Variants in CDH4 observed in about 807,000 individuals in gnomAD.
The protein encoded by CDH4 is cadherin-4.
A neutral mutation model predicts 86.0 loss-of-function variants in CDH4; 33 were observed. That is an observed-to-expected ratio of 0.38 (90% confidence interval 0.29 to 0.51). The LOEUF is 0.51. CDH4 is among the 20% of genes least tolerant of loss of function. The probability of loss-of-function intolerance (pLI) is 0.86; values close to 1 mark genes in which losing one functional copy is unlikely to be tolerated. For missense variants in CDH4, 1,114 were observed against 1,307.4 expected, an observed-to-expected ratio of 0.85 and a Z score of 2.28; for synonymous variants, 555 against 549.4, an observed-to-expected ratio of 1.01 and a Z score of -0.14.
At chr20:61,846,278 G>C (rs769242079) in intron 5 of CDH4, among the ~76,000 whole-genome samples, 5 of 152,226 alleles carry the variant, frequency 3.3e-5, no homozygotes, top group Non-Finnish European at 5.9e-5. Context: ...GGCTTCGTGT[G>C]CTGGGCCCCC....
At chr20:61,403,509 T>C (rs2085061758) in intron 2 of CDH4, among the ~76,000 whole-genome samples, 1 of 152,160 alleles carries the variant, frequency 6.6e-6, no homozygotes, top group East Asian at 1.9e-4. Flanking sequence ...GAGTGGCCAC[T>C]TTGTGGGCCC....
chr20:61,280,086 A>G (rs888956706), intron 2 of CDH4, among the ~76,000 whole-genome samples: 17 of 151,858 alleles, frequency 1.1e-4, no homozygotes, highest in African/African-American at 3.9e-4. Flanking sequence ...GGGACTGGGA[A>G]CTCACCCACC....
At chr20:61,793,987 A>T (rs934003150) in intron 4 of CDH4, among the ~76,000 whole-genome samples, 1 of 146,980 alleles carries the variant, frequency 6.8e-6, no homozygotes, top group African/African-American at 2.5e-5. Flanking sequence ...AAATACAAAA[A>T]AAAAAATTAG....
intron 2 of CDH4, among the ~76,000 whole-genome samples, chr20:61,610,078 A>G (rs982730134): frequency 6.6e-6 from 1 of 152,162 alleles, no homozygotes; most frequent in Non-Finnish European, 1.5e-5. Context: ...ATCAAACACT[A>G]GAACTTATTA....
At chr20:61,616,575 G>T (rs1192867007) in intron 2 of CDH4, among the ~76,000 whole-genome samples, 1 of 152,172 alleles carries the variant, frequency 6.6e-6, no homozygotes, top group Non-Finnish European at 1.5e-5. Context: ...AGAGCTTACT[G>T]GTAGCATCTG....
intron 2 of CDH4, among the ~76,000 whole-genome samples, chr20:61,290,590 C>G (rs2084315631): frequency 6.6e-6 from 1 of 152,240 alleles, no homozygotes. Flanking sequence ...TGTTGACTAC[C>G]TGCCCTGGTC....
Position 61,879,089 on chromosome 20 carries a change from C to T in CDH4, c.1050+5189C>T, listed in dbSNP as rs1009475230. 1.3e-5 allele frequency among the ~76,000 whole-genome samples: 2 copies of T among 152,226 alleles called. No homozygotes were observed. Among genetic ancestry groups the T allele is most frequent in the South Asian group, 2.1e-4 (1 of 4,832 alleles). On this transcript the variant is annotated intron_variant, in intron 7 of 15. Transcript: ENST00000614565. The surrounding 1 kb of genome is among the most constrained non-coding windows in gnomAD (Gnocchi z 4.1). ...TTTAAGACAACGGCTCCAGGACCACCGTTGCCAGGCATTAGTAAACCCACG... is the reference window on the plus strand; with the variant it reads ...TTTAAGACAACGGCTCCAGGACCACTGTTGCCAGGCATTAGTAAACCCACG...
chr20:61,545,592 C>A (rs1341653293), intron 2 of CDH4, among the ~76,000 whole-genome samples: 1 of 152,202 alleles, frequency 6.6e-6, no homozygotes, highest in Non-Finnish European at 1.5e-5. Context: ...CATGATCACC[C>A]TACAAATTCA....
intron 9 of CDH4, among the ~76,000 whole-genome samples, chr20:61,916,947 C>T (rs919274234): frequency 9.2e-5 from 14 of 152,228 alleles, no homozygotes; most frequent in Admixed American, 9.2e-4. Flanking sequence ...TGTCTATGCT[C>T]TGGGCTGATG....
At chr20:61,497,978 G>C (rs1218058884) in intron 2 of CDH4, among the ~76,000 whole-genome samples, 2 of 146,384 alleles carry the variant, frequency 1.4e-5, no homozygotes, top group Non-Finnish European at 3.0e-5. Context: ...AACACCGCAT[G>C]TTCTCACTCA....
Position 61,681,439 on chromosome 20 carries a change from G to T in CDH4, c.170-62124G>T, listed in dbSNP as rs769811169. On this transcript the variant is annotated intron_variant, in intron 2 of 15. Coordinates refer to ENST00000614565, the MANE Select transcript of CDH4 (RefSeq NM_001794.5). The surrounding 1 kb of genome is among the most constrained non-coding windows in gnomAD (Gnocchi z 4.5). ...AATCCTTGGAACTTTATAACTGTGT[G>T]CGTATTTCAAGGGATCTGTTGGCTT... 3.3e-5 allele frequency among the ~76,000 whole-genome samples: 5 copies of T among 152,200 alleles called. No individual in the cohort carries two copies. The highest frequency in any genetic ancestry group is 6.5e-5 in the Admixed American group (1 of 15,274).
intron 2 of CDH4, among the ~76,000 whole-genome samples, chr20:61,467,181 A>G (rs777806824): frequency 2.1e-4 from 32 of 152,348 alleles, no homozygotes; most frequent in Non-Finnish European, 3.8e-4. Flanking sequence ...GTTTCCTCAC[A>G]TACAGTCACA....
intron 2 of CDH4, among the ~76,000 whole-genome samples, chr20:61,295,593 C>A (rs1419587414): frequency 6.6e-6 from 1 of 151,622 alleles, no homozygotes; most frequent in South Asian, 2.1e-4. Context: ...TGCAGACTTG[C>A]GAGTGGCCCT....
intron 2 of CDH4, among the ~76,000 whole-genome samples, chr20:61,696,335 G>T (rs1309226326): frequency 6.6e-6 from 1 of 152,230 alleles, no homozygotes; most frequent in Non-Finnish European, 1.5e-5. Flanking sequence ...AGTACCTCAG[G>T]GACTCTTTCT....
chr20:61,924,937 C>T (rs1263335161), intron 11 of CDH4, among the ~76,000 whole-genome samples: 1 of 152,220 alleles, frequency 6.6e-6, no homozygotes, highest in African/African-American at 2.4e-5. Context: ...GCCACAGACC[C>T]CATCCTGCGG....
chr20:61,544,406 G>A lies in CDH4; in HGVS notation c.170-199157G>A, dbSNP rs1346343576. Among the ~76,000 whole-genome samples the A allele has an allele frequency of 6.6e-6, 1 of 151,994 alleles. No homozygotes were observed. Among genetic ancestry groups the A allele is most frequent in the Non-Finnish European group, 1.5e-5 (1 of 67,990 alleles). On this transcript the variant is annotated intron_variant, in intron 2 of 15. Transcript: ENST00000614565. The surrounding 1 kb of genome is among the most constrained non-coding windows in gnomAD (Gnocchi z 6.5). Reference sequence around the variant, plus strand: ...GAAATCCAGCTTGCCCAGGAGAGAGGGGTGGGACTCCTGGTGTTCACTTCG... The same window carrying A: ...GAAATCCAGCTTGCCCAGGAGAGAGAGGTGGGACTCCTGGTGTTCACTTCG...
intron 2 of CDH4, among the ~76,000 whole-genome samples, chr20:61,443,369 C>T (rs570640852): frequency 5.3e-5 from 8 of 152,270 alleles, no homozygotes; most frequent in East Asian, 1.9e-4. Context: ...AACCCTGAGC[C>T]GCTGTTATTT....
chr20:61,902,394 C>T lies in CDH4; in HGVS notation c.1188+7347C>T, dbSNP rs1050364539. Among the ~76,000 whole-genome samples the T allele has an allele frequency of 4.6e-5, 7 of 152,242 alleles. No homozygotes were observed. The highest frequency in any genetic ancestry group is 2.0e-4 in the Admixed American group (3 of 15,288). On this transcript the variant is annotated intron_variant, in intron 8 of 15. Transcript: ENST00000614565. This position sits in a 1 kb window ranked among gnomAD's most constrained non-coding sequence, Gnocchi z 4.6. ...TAAATGCCAGCCATGCCCTGGGGCA[C>T]GCGGTCACCACCCCGCAGAACCGCT...
chr20:61,872,038 A>G (rs1386821781), intron 6 of CDH4, among the ~76,000 whole-genome samples: 1 of 145,628 alleles, frequency 6.9e-6, no homozygotes, highest in Non-Finnish European at 1.5e-5. Context: ...GAGGTGGGGG[A>G]GGGGCGAGGG....
Sources: allele counts gnomAD v4.1 joint callset (sites outside exome capture counted in the v4.1 genomes callset), GRCh38; gene constraint gnomAD v4.1.1; non-coding constraint Gnocchi (gnomAD v3.1); transcripts MANE v1.5; gene names NCBI Gene and HGNC (gene_info 2026-07-23, HGNC 2026-07-21).